DCC: variants seen among roughly 807,000 people sequenced by gnomAD.
The protein encoded by DCC is netrin receptor DCC.
In DCC, 58 loss-of-function variants were observed where a neutral mutation model predicts 172.5. The ratio of observed to expected loss-of-function variants is 0.34; its 90% CI spans 0.27 to 0.42. The LOEUF (loss-of-function observed/expected upper bound fraction) is 0.42, where lower values mean the gene tolerates loss of function less well. Among genes scored for constraint, DCC ranks in the 10% least tolerant of loss-of-function variants. The pLI, the probability that DCC is intolerant of heterozygous loss-of-function variation, is 1.00. For missense variants in DCC, 1,740 were observed against 1,791.0 expected (o/e 0.97, Z 0.51); for synonymous variants, 709 against 644.5 (o/e 1.10, Z -1.52).
At chr18:52,384,595 G>T (rs1188674500) in intron 1 of DCC, among the ~76,000 whole-genome samples, 2 of 152,064 alleles carry the variant, frequency 1.3e-5, no homozygotes, top group Non-Finnish European at 2.9e-5. Flanking sequence ...GGCGTGGCGG[G>T]GTGAAGACCC....
rs558067707 is a variant in DCC, at chr18:52,936,886, A to G, written c.985+11516A>G. Among the ~76,000 whole-genome samples, 207 of 152,336 alleles carry G rather than the reference A, an allele frequency of 1.4e-3. 1 individual carries two copies. The highest frequency in any genetic ancestry group is 4.8e-3 in the African/African-American group (200 of 41,584). The stretch of plus-strand genomic sequence containing the variant: ...TGCCAATTTTCAAAGACTAGGGAGC[A>G]ATATATGCCATTTCTTCATACACTT... On this transcript the variant is annotated intron_variant, in intron 5 of 28. Coordinates refer to ENST00000442544, the MANE Select transcript of DCC (RefSeq NM_005215.4).
chr18:52,984,063 G>C (rs2145609100), intron 5 of DCC, among the ~76,000 whole-genome samples: 1 of 152,178 alleles, frequency 6.6e-6, no homozygotes, highest in Admixed American at 6.5e-5. Flanking sequence ...GCCTGCATTT[G>C]GTTGTCAAAG....
At chr18:52,884,607 T>G (rs931615334) in intron 2 of DCC, among the ~76,000 whole-genome samples, 2 of 152,194 alleles carry the variant, frequency 1.3e-5, no homozygotes, top group African/African-American at 4.8e-5. Flanking sequence ...TGCGGTGTTA[T>G]CTTTAATTTT....
intron 15 of DCC, among the ~76,000 whole-genome samples, chr18:53,374,645 T>C (rs1030334637): frequency 6.6e-6 from 1 of 152,032 alleles, no homozygotes; most frequent in Non-Finnish European, 1.5e-5. Flanking sequence ...TAGTCAACCA[T>C]GACATATGCT....
intron 5 of DCC, among the ~76,000 whole-genome samples, chr18:52,985,518 C>T (rs977361947): frequency 5.3e-5 from 8 of 152,062 alleles, no homozygotes; most frequent in African/African-American, 1.7e-4. Flanking sequence ...TCTTTGGAGA[C>T]CTGATATTAT....
chr18:52,961,369 C>A (rs1568212915), intron 5 of DCC, among the ~76,000 whole-genome samples: 2 of 152,084 alleles, frequency 1.3e-5, no homozygotes, highest in Admixed American at 6.6e-5. Context: ...TGAGATCTGG[C>A]AAAACTTTGT....
Position 52,689,588 on chromosome 18 carries a change from G to T in DCC, c.92-62466G>T, listed in dbSNP as rs865892937. Reference sequence around the variant, plus strand: ...TGTCTTCAAGCGCAGTGCCTAGCATGGTATAGGAGCTTAATAAATACAGGG... The same window carrying T: ...TGTCTTCAAGCGCAGTGCCTAGCATTGTATAGGAGCTTAATAAATACAGGG... On this transcript the variant is annotated intron_variant, in intron 1 of 28. Transcript: ENST00000442544. Among the ~76,000 whole-genome samples the T allele has an allele frequency of 6.2e-4, 94 of 152,132 alleles. 1 individual carries two copies. Among genetic ancestry groups the T allele is most frequent in the Middle Eastern group, 3.4e-3 (1 of 294 alleles).
At chr18:53,171,768 A>G (rs2055017378) in intron 8 of DCC, among the ~76,000 whole-genome samples, 1 of 152,156 alleles carries the variant, frequency 6.6e-6, no homozygotes, top group African/African-American at 2.4e-5. Context: ...CAAACATATG[A>G]AAAAACTGCT....
intron 1 of DCC, among the ~76,000 whole-genome samples, chr18:52,619,283 G>A (rs1004438003): frequency 7.2e-5 from 11 of 152,138 alleles, no homozygotes; most frequent in African/African-American, 2.7e-4. Flanking sequence ...ATTTTGTTTA[G>A]GAAAGATATC....
At chr18:53,304,367 T>C (rs1599003420) in intron 12 of DCC, among the ~76,000 whole-genome samples, 1 of 152,142 alleles carries the variant, frequency 6.6e-6, no homozygotes, top group Non-Finnish European at 1.5e-5. Context: ...TGACTGCTTT[T>C]TTTTTCTCTA....
chr18:53,240,770 T>C (rs2056280370), intron 12 of DCC, among the ~76,000 whole-genome samples: 1 of 152,178 alleles, frequency 6.6e-6, no homozygotes, highest in Non-Finnish European at 1.5e-5. Flanking sequence ...AATATTTCCA[T>C]TTTTCTCTGA....
chr18:52,344,871 T>C (rs1983812728), intron 1 of DCC, among the ~76,000 whole-genome samples: 1 of 152,210 alleles, frequency 6.6e-6, no homozygotes, highest in African/African-American at 2.4e-5. Context: ...AAATTCAATG[T>C]CCACATCCAC....
rs774134969 is a variant in DCC, at chr18:52,650,135, C to T, written c.92-101919C>T. On this transcript the variant is annotated intron_variant, in intron 1 of 28. Transcript: ENST00000442544. ...CTAGAATTACAGGAATGTACCACCA[C>T]GCCTCGCTAATTTTTGTGTTTTGAG... 4.6e-5 allele frequency among the ~76,000 whole-genome samples: 7 copies of T among 152,066 alleles called. No homozygotes were observed. In the East Asian group the frequency reaches 5.8e-4, roughly 13 times the overall value.
intron 26 of DCC, among the ~76,000 whole-genome samples, chr18:53,490,780 A>C (rs887943562): frequency 6.6e-6 from 1 of 152,202 alleles, no homozygotes; most frequent in African/African-American, 2.4e-5. Flanking sequence ...CTGGCGGACC[A>C]GTTGCTATTG....
chr18:52,483,364 T>C (rs1359385723), intron 1 of DCC, among the ~76,000 whole-genome samples: 1 of 152,160 alleles, frequency 6.6e-6, no homozygotes, highest in Non-Finnish European at 1.5e-5. Context: ...CAGTTTATTA[T>C]ACTTCAGAGA....
intron 1 of DCC, among the ~76,000 whole-genome samples, chr18:52,401,766 AGTTC>A (rs1986449884): frequency 6.6e-6 from 1 of 152,038 alleles, no homozygotes; most frequent in South Asian, 2.1e-4. Context: ...TTCTGTTAGA[AGTTC>A]ATTATGCTCA....
intron 2 of DCC, among the ~76,000 whole-genome samples, chr18:52,834,097 A>G (rs936090332): frequency 1.9e-4 from 29 of 152,176 alleles, no homozygotes; most frequent in African/African-American, 6.5e-4. Context: ...AGGAGGGCAG[A>G]GCTTCCACAC....
At chr18:52,613,845 T>C (rs1038312297) in intron 1 of DCC, among the ~76,000 whole-genome samples, 2 of 152,194 alleles carry the variant, frequency 1.3e-5, no homozygotes, top group Non-Finnish European at 2.9e-5. Flanking sequence ...GGTCCTATAC[T>C]GGTGGTGTTA....
chr18:53,396,253 A>G lies in DCC; in HGVS notation c.2689-1055A>G, dbSNP rs897145693. On this transcript the variant is annotated intron_variant, in intron 17 of 28. Transcript: ENST00000442544. ...AAAATAAAAGTATTTAACTTCGAAG[A>G]ACGATACCTCATACCAAGTACAAAA... is the stretch of plus-strand genomic sequence containing the variant. Among the ~76,000 whole-genome samples the G allele has an allele frequency of 1.1e-4, 16 of 152,200 alleles. No individual in the cohort carries two copies. The South Asian group carries it at 1.4e-3, about 14-fold the overall frequency.
Sources: allele counts gnomAD v4.1 joint callset (sites outside exome capture counted in the v4.1 genomes callset), GRCh38; gene constraint gnomAD v4.1.1; transcripts MANE v1.5; gene names NCBI Gene and HGNC (gene_info 2026-07-23, HGNC 2026-07-21).